The following VWC2L variants were observed in gnomAD, a reference collection of about 807,000 sequenced individuals.
The protein encoded by VWC2L is von Willebrand factor C domain-containing protein 2-like.
A neutral mutation model predicts 21.6 loss-of-function variants in VWC2L; 10 were observed. The ratio of observed to expected loss-of-function variants is 0.46; its 90% CI spans 0.29 to 0.78. The LOEUF is 0.78. VWC2L is among the 30% of genes least tolerant of loss of function. The pLI is 0.10. For missense variants in VWC2L, 209 were observed against 277.1 expected, an observed-to-expected ratio of 0.75 and a Z score of 1.74; for synonymous variants, 96 against 94.3, an observed-to-expected ratio of 1.02 and a Z score of -0.10.
intron 3 of VWC2L, among the ~76,000 whole-genome samples, chr2:214,532,818 T>G (rs1211051250): frequency 2.0e-5 from 3 of 152,030 alleles, no homozygotes; most frequent in African/African-American, 7.2e-5. Context: ...TAAAACTTTC[T>G]CCCAGCTGAG....
At chr2:214,509,468 A>G (rs1279508510) in intron 3 of VWC2L, among the ~76,000 whole-genome samples, 1 of 11,226 alleles carries the variant, frequency 8.9e-5, no homozygotes, top group African/African-American at 1.1e-4. Context: ...TGCTACTTAA[A>G]AAAAAAAAAT....
chr2:214,465,533 C>A (rs1360257175), intron 3 of VWC2L, among the ~76,000 whole-genome samples: 6 of 152,170 alleles, frequency 3.9e-5, no homozygotes, highest in Non-Finnish European at 7.4e-5. Context: ...TCTTTACTCT[C>A]CCTTCTCCTC....
intron 3 of VWC2L, among the ~76,000 whole-genome samples, chr2:214,460,780 G>C (rs7600216): frequency 0.34 from 50,935 of 151,890 alleles, 9,179 homozygotes; most frequent in African/African-American, 0.48. Context: ...TCATTGGAAT[G>C]TGTTACTGGT....
intron 3 of VWC2L, among the ~76,000 whole-genome samples, chr2:214,539,109 G>A (rs1689587251): frequency 6.6e-6 from 1 of 152,100 alleles, no homozygotes; most frequent in Non-Finnish European, 1.5e-5. Flanking sequence ...AAGGCAACGT[G>A]ATGGTGCTCT....
At chr2:214,488,196 A>G (rs1364990521) in intron 3 of VWC2L, among the ~76,000 whole-genome samples, 1 of 152,136 alleles carries the variant, frequency 6.6e-6, no homozygotes, top group Non-Finnish European at 1.5e-5. Context: ...CAATGTCTTT[A>G]CTCAACAGAC....
At chr2:214,446,023 T>C (rs567282306) in intron 3 of VWC2L, among the ~76,000 whole-genome samples, 11 of 152,350 alleles carry the variant, frequency 7.2e-5, no homozygotes, top group African/African-American at 2.4e-4. Context: ...CACTTAAGTA[T>C]ATCCATTTAC....
At chr2:214,429,873 G>A (rs1205047359) in intron 2 of VWC2L, among the ~76,000 whole-genome samples, 1 of 151,862 alleles carries the variant, frequency 6.6e-6, no homozygotes. Context: ...GTCCAGGCTG[G>A]AGTGCAATGG....
At chr2:214,476,831 CTTA>C (rs759424151) in intron 3 of VWC2L, among the ~76,000 whole-genome samples, 3 of 152,122 alleles carry the variant, frequency 2.0e-5, no homozygotes, top group Non-Finnish European at 4.4e-5. Context: ...ATTTCATCTA[CTTA>C]TTAATACTGT....
intron 3 of VWC2L, among the ~76,000 whole-genome samples, chr2:214,494,691 C>T: frequency 6.6e-6 from 1 of 152,088 alleles, no homozygotes; most frequent in Admixed American, 6.6e-5. Context: ...CAGAATTAAG[C>T]AGGTGTTGCC....
intron 3 of VWC2L, among the ~76,000 whole-genome samples, chr2:214,559,346 A>G (rs1397841840): frequency 6.6e-6 from 1 of 152,074 alleles, no homozygotes; most frequent in Non-Finnish European, 1.5e-5. Context: ...AACAGTAAGA[A>G]CATGCTCCTA....
At chr2:214,428,406 T>A (rs1313281664) in intron 2 of VWC2L, among the ~76,000 whole-genome samples, 2 of 152,204 alleles carry the variant, frequency 1.3e-5, no homozygotes, top group Non-Finnish European at 1.5e-5. Flanking sequence ...CAAGTTCCAC[T>A]GGGTGATAGC....
chr2:214,542,874 G>T (rs1689649600), intron 3 of VWC2L, among the ~76,000 whole-genome samples: 1 of 152,102 alleles, frequency 6.6e-6, no homozygotes, highest in Non-Finnish European at 1.5e-5. Context: ...GAAATCATGA[G>T]CCAAATTAGG....
At chr2:214,460,797 TTG>T (rs144975721) in intron 3 of VWC2L, among the ~76,000 whole-genome samples, 23,941 of 152,070 alleles carry the variant, frequency 0.16, 1,940 homozygotes, top group East Asian at 0.25. Context: ...TGGTGAATTA[TTG>T]TGTTTTTTTA....
chr2:214,495,079 G>A (rs1045371329), intron 3 of VWC2L, among the ~76,000 whole-genome samples: 1 of 152,082 alleles, frequency 6.6e-6, no homozygotes, highest in Admixed American at 6.5e-5. Context: ...TCATGTTAAT[G>A]ATTGGTTCAA....
At chr2:214,537,432 A>C (rs1404749575) in intron 3 of VWC2L, among the ~76,000 whole-genome samples, 1 of 152,098 alleles carries the variant, frequency 6.6e-6, no homozygotes, top group Non-Finnish European at 1.5e-5. Flanking sequence ...AAGACGAAAA[A>C]AAAAAGGCAT....
chr2:214,465,460 G>A (rs1329602839), intron 3 of VWC2L, among the ~76,000 whole-genome samples: 4 of 152,162 alleles, frequency 2.6e-5, no homozygotes, highest in African/African-American at 4.8e-5. Context: ...GCTGGCCTCA[G>A]GACTCTGCCT....
At chr2:214,553,519 T>A (rs1050695942) in intron 3 of VWC2L, among the ~76,000 whole-genome samples, 3 of 152,056 alleles carry the variant, frequency 2.0e-5, no homozygotes, top group African/African-American at 7.2e-5. Context: ...AGACCTGGAG[T>A]GTCTGGGTTA....
chr2:214,552,051 C>G (rs1689803299), intron 3 of VWC2L, among the ~76,000 whole-genome samples: 1 of 152,188 alleles, frequency 6.6e-6, no homozygotes, highest in African/African-American at 2.4e-5. Flanking sequence ...GTGTTTAAGG[C>G]CTGATGTTGC....
chr2:214,483,028 A>C (rs1688628403), intron 3 of VWC2L, among the ~76,000 whole-genome samples: 1 of 152,172 alleles, frequency 6.6e-6, no homozygotes, highest in Admixed American at 6.5e-5. Flanking sequence ...GTTTGCAGGC[A>C]GTGAGCTTGC....
Sources: allele counts gnomAD v4.1 joint callset (sites outside exome capture counted in the v4.1 genomes callset), GRCh38; gene constraint gnomAD v4.1.1; transcripts MANE v1.5; gene names NCBI Gene and HGNC (gene_info 2026-07-23, HGNC 2026-07-21).